The following COBL variants were observed in gnomAD, a reference collection of about 807,000 sequenced individuals.
The protein encoded by COBL is cordon-bleu WH2 repeat protein, also known as protein cordon-bleu.
A neutral mutation model predicts 98.8 loss-of-function variants in COBL; 51 were observed. The ratio of observed to expected loss-of-function variants is 0.52; its 90% CI spans 0.41 to 0.65. The LOEUF (loss-of-function observed/expected upper bound fraction) is 0.65. Ranked by LOEUF, COBL falls within the 30% of genes least tolerant of loss-of-function variation. COBL has a pLI of 0.00. For synonymous variants in COBL, 634 were observed against 651.7 expected, an observed-to-expected ratio of 0.97 and a Z score of 0.41; for missense variants, 1,617 against 1,617.5, an observed-to-expected ratio of 1.00 and a Z score of 0.01.
At chr7:51,138,962 T>C (rs967955731) in intron 5 of COBL, among the ~76,000 whole-genome samples, 1 of 152,200 alleles carries the variant, frequency 6.6e-6, no homozygotes, top group African/African-American at 2.4e-5. Context: ...AATACTGCTG[T>C]GAATCCACCT....
intron 1 of COBL, among the ~76,000 whole-genome samples, chr7:51,238,721 A>G (rs7777672): frequency 0.077 from 11,715 of 152,066 alleles, 1,087 homozygotes; most frequent in African/African-American, 0.23. Flanking sequence ...AGCCCCCACC[A>G]CAATGCTCCT....
intron 5 of COBL, among the ~76,000 whole-genome samples, chr7:51,151,617 GA>G (rs1785570028): frequency 1.3e-5 from 2 of 152,204 alleles, no homozygotes; most frequent in African/African-American, 4.8e-5. Context: ...AGCATACAAA[GA>G]GAGGCGGAAT....
At chr7:51,055,007 C>G (rs1790598758) in intron 7 of COBL, among the ~76,000 whole-genome samples, 1 of 152,140 alleles carries the variant, frequency 6.6e-6, no homozygotes, top group African/African-American at 2.4e-5. Flanking sequence ...AGATGGGGAG[C>G]CAGGAGACAG....
intron 1 of COBL, among the ~76,000 whole-genome samples, chr7:51,307,147 C>A (rs1296119808): frequency 6.6e-6 from 1 of 152,026 alleles, no homozygotes; most frequent in Non-Finnish European, 1.5e-5. Flanking sequence ...GAGTTCAAGA[C>A]CAGCCTGACC....
chr7:51,028,840 C>T lies in COBL; in HGVS notation c.2256G>A (p.Leu752=). The change falls in exon 10 of 13, where the codon CTG becomes CTA. Residue 752 remains leucine (L), a synonymous_variant. Coordinates refer to ENST00000265136, the MANE Select transcript of COBL (RefSeq NM_015198.5). ...PHATGIRIIS[L]SSSVPEAESQ... ...ATTCTGCTTCAGGCACAGACGAAGA[C>T]AGGGAAATGATCCTGATGCCGGTGG... 1 of 1,614,216 alleles carries T rather than the reference C, an allele frequency of 6.2e-7. No homozygotes were observed. The highest frequency in any genetic ancestry group is 8.5e-7 in the Non-Finnish European group (1 of 1,180,038).
chr7:51,167,862 G>A (rs1203239234), intron 5 of COBL, among the ~76,000 whole-genome samples: 2 of 152,224 alleles, frequency 1.3e-5, no homozygotes, highest in Non-Finnish European at 2.9e-5. Flanking sequence ...ATATTCATAT[G>A]CAGAAGAATA....
At chr7:51,061,579 C>T (rs564428942) in intron 7 of COBL, among the ~76,000 whole-genome samples, 2 of 152,072 alleles carry the variant, frequency 1.3e-5, no homozygotes, top group East Asian at 3.9e-4. Flanking sequence ...AAGGGGTGTT[C>T]GGGTACGTGG....
intron 6 of COBL, among the ~76,000 whole-genome samples, chr7:51,109,650 A>C: frequency 6.6e-6 from 1 of 151,894 alleles, no homozygotes; most frequent in African/African-American, 2.4e-5. Context: ...AGGCTCGATC[A>C]CTCATTTATT....
chr7:51,046,896 A>G (rs966837352), intron 7 of COBL, among the ~76,000 whole-genome samples: 1 of 152,212 alleles, frequency 6.6e-6, no homozygotes. Flanking sequence ...CTGTAAAATA[A>G]GCAGTTGGCT....
chr7:51,203,350 T>C (rs1177688400), intron 2 of COBL, among the ~76,000 whole-genome samples: 1 of 137,406 alleles, frequency 7.3e-6, no homozygotes. Context: ...TAGTCCCAGC[T>C]ACTCGGGAGG....
intron 7 of COBL, among the ~76,000 whole-genome samples, chr7:51,074,837 T>A (rs1248417150): frequency 6.6e-6 from 1 of 152,224 alleles, no homozygotes; most frequent in Non-Finnish European, 1.5e-5. Flanking sequence ...GTATAAATAG[T>A]TATAATCAGT....
Position 51,027,796 on chromosome 7 carries a change from C to T in COBL, c.3300G>A (p.Gln1100=), listed in dbSNP as rs748777649. The T allele has an allele frequency of 6.2e-7, 1 of 1,614,224 alleles. No individual in the cohort carries two copies. Among genetic ancestry groups the T allele is most frequent in the Non-Finnish European group, 8.5e-7 (1 of 1,180,052 alleles). The change falls in exon 10 of 13, where the codon CAG becomes CAA. Residue 1100 remains glutamine, a synonymous_variant. Coordinates refer to ENST00000265136, the MANE Select transcript of COBL (RefSeq NM_015198.5). ...GGGATGTGTCTTTTGGGACTGGTCT[C>T]TGGACAACAGGTTTGAATTTTTTCT... ...GPKKKFKPVV[Q]RPVPKDTSLH... is the part of the protein sequence containing the mutation.
In COBL at chr7:51,063,296, G is replaced by A. The variant is rs181829510; in HGVS notation, c.1097-19604C>T. ...ATTACAGGCACCCACCACCGCGCCCGGCTAATTTTTGTATTTTCAGTAGAG... is the reference window on the plus strand; with the variant it reads ...ATTACAGGCACCCACCACCGCGCCCAGCTAATTTTTGTATTTTCAGTAGAG... On this transcript the variant is annotated intron_variant, in intron 7 of 12. Coordinates refer to ENST00000265136, the MANE Select transcript of COBL (RefSeq NM_015198.5). 2.3e-3 allele frequency among the ~76,000 whole-genome samples: 355 copies of A among 152,030 alleles called. 1 individual carries two copies. The highest frequency in any genetic ancestry group is 8.0e-3 in the African/African-American group (330 of 41,496).
At chr7:51,030,998 C>A in intron 8 of COBL, 89 bp from the exon 9 acceptor site, 2 of 904,870 alleles carry the variant, frequency 2.2e-6, no homozygotes, top group Non-Finnish European at 3.6e-6. Context: ...GATAGAACAG[C>A]TCATACTCAA....
chr7:51,244,226 T>C (rs1010654656), intron 1 of COBL, among the ~76,000 whole-genome samples: 2 of 152,110 alleles, frequency 1.3e-5, no homozygotes, highest in East Asian at 1.9e-4. Flanking sequence ...AACACAAGAA[T>C]AGGCCGCACT....
chr7:51,235,181 C>T (rs1253641820), intron 1 of COBL, among the ~76,000 whole-genome samples: 1 of 152,200 alleles, frequency 6.6e-6, no homozygotes, highest in Non-Finnish European at 1.5e-5. Context: ...TGACAGCCCA[C>T]GAAGAAACAC....
At chr7:51,168,336 T>C (rs1022874962) in intron 5 of COBL, among the ~76,000 whole-genome samples, 3 of 151,806 alleles carry the variant, frequency 2.0e-5, no homozygotes, top group African/African-American at 4.8e-5. Context: ...CTTGAGAGGC[T>C]GAGGCAGGAG....
At chr7:51,201,457 A>T (rs1056443290) in intron 2 of COBL, among the ~76,000 whole-genome samples, 1 of 152,168 alleles carries the variant, frequency 6.6e-6, no homozygotes, top group Non-Finnish European at 1.5e-5. Context: ...TGTAAAGTAA[A>T]CATTCATAAA....
At chr7:51,054,968 C>T (rs145181959) in intron 7 of COBL, among the ~76,000 whole-genome samples, 141 of 152,276 alleles carry the variant, frequency 9.3e-4, no homozygotes, top group African/African-American at 3.2e-3. Context: ...ACCTTTCTTC[C>T]CTGGAGCAGC....
Sources: gnomAD v4.1 joint callset for allele counts (sites outside exome capture counted in the v4.1 genomes callset) on GRCh38, gnomAD v4.1.1 for gene constraint, MANE v1.5 for transcripts, NCBI Gene and HGNC (gene_info 2026-07-23, HGNC 2026-07-21) for gene names.